The following ROBO1 variants were observed in gnomAD, a reference collection of about 807,000 sequenced individuals.
The protein encoded by ROBO1 is roundabout guidance receptor 1.
A neutral mutation model predicts 195.9 loss-of-function variants in ROBO1; 149 were observed. The observed-to-expected ratio is 0.76, with a 90% CI of 0.67 to 0.87. ROBO1 has a LOEUF of 0.87. Among genes scored for constraint, ROBO1 ranks in the 40% least tolerant of loss-of-function variants. The pLI is 0.00. For synonymous variants in ROBO1, 816 were observed against 733.2 expected (o/e 1.11, Z -1.82); for missense variants, 1,933 against 2,068.3 (o/e 0.93, Z 1.27).
At chr3:79,639,311 A>AT (rs1945588355) in intron 1 of ROBO1, among the ~76,000 whole-genome samples, 1 of 152,196 alleles carries the variant, frequency 6.6e-6, no homozygotes, top group Non-Finnish European at 1.5e-5. Flanking sequence ...ATATATCTTG[A>AT]TACATTCATT....
chr3:79,373,290 T>C (rs911601419), intron 2 of ROBO1, among the ~76,000 whole-genome samples: 1 of 152,108 alleles, frequency 6.6e-6, no homozygotes, highest in Admixed American at 6.5e-5. Context: ...GTTTTTTTTT[T>C]CCTTATGTGT....
At chr3:78,837,823 C>A (rs747354764) in intron 4 of ROBO1, among the ~76,000 whole-genome samples, 2 of 152,032 alleles carry the variant, frequency 1.3e-5, no homozygotes, top group Non-Finnish European at 2.9e-5. Flanking sequence ...TAAAGCAACA[C>A]ATATACACAT....
At chr3:78,678,063 C>T (rs1575911885) in intron 10 of ROBO1, among the ~76,000 whole-genome samples, 1 of 152,122 alleles carries the variant, frequency 6.6e-6, no homozygotes, top group East Asian at 1.9e-4. Flanking sequence ...ACAACCTGCT[C>T]CTGAATGACT....
At chr3:79,209,514 T>A (rs2081934062) in intron 2 of ROBO1, among the ~76,000 whole-genome samples, 1 of 152,108 alleles carries the variant, frequency 6.6e-6, no homozygotes, top group Admixed American at 6.6e-5. Context: ...TTTGGGTAGC[T>A]ACCCAGCAGT....
At chr3:78,622,527 A>G (rs1376783784) in intron 26 of ROBO1, among the ~76,000 whole-genome samples, 2 of 152,340 alleles carry the variant, frequency 1.3e-5, no homozygotes, top group South Asian at 2.1e-4. Context: ...TGTAAGCTAC[A>G]TATCTGGCCA....
rs200361256 is a variant in ROBO1, at chr3:78,854,346, AAT to A, written c.499+84253_499+84254del. The stretch of plus-strand genomic sequence containing the variant: ...GTATATATTTATTACTATTATATAT[AAT>A]ATGTTGTATATAAAAATATAAATAC... On this transcript the variant is annotated intron_variant, in intron 4 of 30. Transcript: ENST00000464233. Among the ~76,000 whole-genome samples the A allele has an allele frequency of 3.3e-3, 493 of 148,200 alleles. 7 individuals are homozygous for A. The highest frequency in any genetic ancestry group is 0.011 in the African/African-American group (454 of 40,896).
At chr3:78,708,893 C>T (rs2081614462) in intron 8 of ROBO1, among the ~76,000 whole-genome samples, 1 of 152,286 alleles carries the variant, frequency 6.6e-6, no homozygotes. Flanking sequence ...GCTATCCTAA[C>T]ACTCGTCAAA....
chr3:79,631,739 G>A (rs531344198), intron 1 of ROBO1, among the ~76,000 whole-genome samples: 72 of 151,772 alleles, frequency 4.7e-4, no homozygotes, highest in African/African-American at 1.5e-3. Context: ...CTATGCATCT[G>A]ATAATCCAGA....
At chr3:79,108,706 T>A (rs964004971) in intron 3 of ROBO1, among the ~76,000 whole-genome samples, 4 of 151,782 alleles carry the variant, frequency 2.6e-5, no homozygotes, top group African/African-American at 9.7e-5. Context: ...AACGTCTTGA[T>A]TAAATTATAG....
intron 3 of ROBO1, among the ~76,000 whole-genome samples, chr3:79,011,219 G>A (rs561125585): frequency 1.3e-5 from 2 of 152,158 alleles, no homozygotes; most frequent in South Asian, 4.1e-4. Context: ...AGAGTGACAG[G>A]CTTCCTTTTC....
At chr3:78,983,913 G>T (rs548790298) in intron 3 of ROBO1, among the ~76,000 whole-genome samples, 260 of 152,180 alleles carry the variant, frequency 1.7e-3, no homozygotes, top group Non-Finnish European at 2.5e-3. Context: ...AGGCCAAATG[G>T]CTCAGTTCAG....
intron 4 of ROBO1, among the ~76,000 whole-genome samples, chr3:78,775,921 A>G (rs887577639): frequency 2.0e-5 from 3 of 152,202 alleles, no homozygotes; most frequent in African/African-American, 4.8e-5. Context: ...TTTATTTCAC[A>G]GAATTGAGGA....
At chr3:79,550,654 G>A in intron 2 of ROBO1, among the ~76,000 whole-genome samples, 2 of 152,110 alleles carry the variant, frequency 1.3e-5, no homozygotes, top group South Asian at 4.1e-4. Flanking sequence ...TGAATTATTA[G>A]GGAGAAATAA....
chr3:78,795,384 C>A (rs67488304), intron 4 of ROBO1, among the ~76,000 whole-genome samples: 38,855 of 152,052 alleles, frequency 0.26, 5,128 homozygotes, highest in Non-Finnish European at 0.28. Flanking sequence ...ATGTGTAACA[C>A]CCTGGTTTAT....
chr3:78,753,172 A>G (rs2108317227), intron 4 of ROBO1, among the ~76,000 whole-genome samples: 1 of 152,350 alleles, frequency 6.6e-6, no homozygotes, highest in East Asian at 1.9e-4. Flanking sequence ...AAAAACAATT[A>G]CTAGCAAATT....
chr3:79,061,741 G>A (rs528522674), intron 3 of ROBO1, among the ~76,000 whole-genome samples: 4 of 152,246 alleles, frequency 2.6e-5, no homozygotes, highest in Admixed American at 2.0e-4. Context: ...ACAAAAACAA[G>A]CAATGGGGAA....
At chr3:79,004,749 G>A (rs187336366) in intron 3 of ROBO1, among the ~76,000 whole-genome samples, 2 of 152,206 alleles carry the variant, frequency 1.3e-5, no homozygotes, top group East Asian at 1.9e-4. Context: ...GTATTCGTGT[G>A]GTTAAAATTG....
At chr3:79,018,770 C>G (rs2078022636) in intron 3 of ROBO1, 6 of 1,117,518 alleles carry the variant, frequency 5.4e-6, no homozygotes, top group East Asian at 1.0e-4. Context: ...GCAGTAGTGC[C>G]GTTTCCTGCC....
At chr3:78,739,115 A>G (rs995409642) in intron 5 of ROBO1, among the ~76,000 whole-genome samples, 1 of 152,214 alleles carries the variant, frequency 6.6e-6, no homozygotes, top group Non-Finnish European at 1.5e-5. Context: ...CAGAATTTGA[A>G]GCATGAAAAG....
Sources: allele counts gnomAD v4.1 joint callset (sites outside exome capture counted in the v4.1 genomes callset), GRCh38; gene constraint gnomAD v4.1.1; transcripts MANE v1.5; gene names NCBI Gene and HGNC (gene_info 2026-07-23, HGNC 2026-07-21).